MAPK10: variants seen among roughly 807,000 people sequenced by gnomAD.
MAPK10 encodes JNK3 alpha protein kinase.
A neutral mutation model predicts 59.3 loss-of-function variants in MAPK10; 25 were observed. The ratio of observed to expected loss-of-function variants is 0.42; its 90% CI spans 0.31 to 0.59. MAPK10 has a LOEUF of 0.59. MAPK10 is among the 20% of genes least tolerant of loss of function. The pLI is 0.15. For synonymous variants in MAPK10, 190 were observed against 200.5 expected (o/e 0.95, Z 0.44); for missense variants, 351 against 568.9 (o/e 0.62, Z 3.90).
At chr4:86,108,597 T>C (rs144240647) in intron 4 of MAPK10, among the ~76,000 whole-genome samples, 138 of 152,292 alleles carry the variant, frequency 9.1e-4, no homozygotes, top group African/African-American at 2.8e-3. Context: ...CTCTAAAATA[T>C]GTCCATGAAA....
chr4:86,431,082 G>C (rs1747981786), intron 1 of MAPK10, among the ~76,000 whole-genome samples: 1 of 150,832 alleles, frequency 6.6e-6, no homozygotes, highest in African/African-American at 2.4e-5. Context: ...AGGAGAGAGA[G>C]AGGAAGAGAG....
intron 1 of MAPK10, among the ~76,000 whole-genome samples, chr4:86,556,083 C>G (rs75150219): frequency 0.01 from 1,577 of 152,268 alleles, 21 homozygotes; most frequent in African/African-American, 0.036. Flanking sequence ...ATCAAACTGA[C>G]CAAACACCTC....
At chr4:86,139,987 C>T (rs1268030341) in intron 4 of MAPK10, among the ~76,000 whole-genome samples, 8 of 140,718 alleles carry the variant, frequency 5.7e-5, no homozygotes, top group African/African-American at 2.2e-4. Context: ...AATGAGATAC[C>T]ATCTCACACC....
intron 4 of MAPK10, among the ~76,000 whole-genome samples, chr4:86,136,588 A>G (rs1936367023): frequency 6.8e-6 from 1 of 147,726 alleles, no homozygotes; most frequent in Non-Finnish European, 1.5e-5. Context: ...TCATGCCAAA[A>G]TGTAAAGACC....
chr4:86,567,829 A>C lies in MAPK10; in HGVS notation c.-263+26081T>G, dbSNP rs199794041. Among the ~76,000 whole-genome samples, 5 of 152,328 alleles carry C rather than the reference A, an allele frequency of 3.3e-5. No individual in the cohort carries two copies. In the East Asian group the frequency reaches 9.6e-4, roughly 29 times the overall value. ...TTTCTTAGGGAAGGTTAGATGCTCA[A>C]GAAGATAGCATAAAGGAAAAAATAG... On this transcript the variant is annotated intron_variant, in intron 1 of 4. Transcript: ENST00000502302.
At chr4:86,492,986 T>C (rs1054699074) in intron 1 of MAPK10, among the ~76,000 whole-genome samples, 1 of 152,152 alleles carries the variant, frequency 6.6e-6, no homozygotes, top group African/African-American at 2.4e-5. Context: ...TCAGACAAAA[T>C]TGAAAACCTA....
At chr4:86,249,732 T>C (rs2093320271) in intron 2 of MAPK10, among the ~76,000 whole-genome samples, 1 of 152,212 alleles carries the variant, frequency 6.6e-6, no homozygotes, top group African/African-American at 2.4e-5. Context: ...TACATTTTTA[T>C]TGTATCAAAT....
chr4:86,046,108 CTGTT>C (rs2042442933), intron 11 of MAPK10, among the ~76,000 whole-genome samples: 1 of 150,734 alleles, frequency 6.6e-6, no homozygotes, highest in African/African-American at 2.4e-5. Flanking sequence ...CTCTATTTGT[CTGTT>C]ATTCGTGTAT....
At chr4:86,106,304 G>A (rs544349168) in intron 5 of MAPK10, among the ~76,000 whole-genome samples, 1 of 152,034 alleles carries the variant, frequency 6.6e-6, no homozygotes, top group East Asian at 1.9e-4. Flanking sequence ...AATGTGTTCT[G>A]TGTAATTTTC....
intron 1 of MAPK10, among the ~76,000 whole-genome samples, chr4:86,452,601 T>C (rs1387791302): frequency 2.6e-5 from 4 of 152,062 alleles, no homozygotes; most frequent in African/African-American, 9.7e-5. Context: ...ATTAGGAAAA[T>C]TGGCAGAGAC....
chr4:86,036,632 T>C (rs888336930), intron 11 of MAPK10, among the ~76,000 whole-genome samples: 9 of 152,040 alleles, frequency 5.9e-5, no homozygotes, highest in Admixed American at 5.9e-4. Context: ...ATTTAAAGAG[T>C]AATCCAGAGC....
chr4:86,255,287 G>A (rs991164731), intron 2 of MAPK10, among the ~76,000 whole-genome samples: 2 of 152,108 alleles, frequency 1.3e-5, no homozygotes, highest in East Asian at 3.9e-4. Context: ...GCTCTATAGA[G>A]TTTTCAGAAA....
chr4:86,586,493 T>C (rs1375029581), intron 1 of MAPK10, among the ~76,000 whole-genome samples: 1 of 152,208 alleles, frequency 6.6e-6, no homozygotes, highest in African/African-American at 2.4e-5. Context: ...ATCTCTCTCC[T>C]TTAGGGTTTA....
intron 2 of MAPK10, among the ~76,000 whole-genome samples, chr4:86,246,748 A>G (rs1283217983): frequency 3.9e-5 from 6 of 152,218 alleles, no homozygotes; most frequent in African/African-American, 1.4e-4. Context: ...GGTGAACAGA[A>G]GAGGTGGGAC....
At chr4:86,180,422 T>C (rs1002989751) in intron 3 of MAPK10, among the ~76,000 whole-genome samples, 1 of 149,884 alleles carries the variant, frequency 6.7e-6, no homozygotes, top group Non-Finnish European at 1.5e-5. Flanking sequence ...GAACAGTATA[T>C]AGCTTCTTCA....
intron 1 of MAPK10, among the ~76,000 whole-genome samples, chr4:86,422,055 G>C (rs1037091682): frequency 1.3e-5 from 2 of 152,098 alleles, no homozygotes; most frequent in Non-Finnish European, 2.9e-5. Flanking sequence ...CTTCTCACTA[G>C]TTAGCCCCAC....
chr4:86,181,341 G>A (rs932537452), intron 3 of MAPK10, among the ~76,000 whole-genome samples: 1 of 151,990 alleles, frequency 6.6e-6, no homozygotes, highest in African/African-American at 2.4e-5. Flanking sequence ...TTCTAGTGCT[G>A]CTTAAATTTA....
chr4:86,166,455 C>T (rs1033850418), intron 3 of MAPK10, among the ~76,000 whole-genome samples: 1 of 139,116 alleles, frequency 7.2e-6, no homozygotes, highest in African/African-American at 3.2e-5. Context: ...ATAATTATTA[C>T]CATTATTATA....
intron 2 of MAPK10, among the ~76,000 whole-genome samples, chr4:86,353,998 T>C (rs1047530049): frequency 1.3e-5 from 2 of 152,172 alleles, no homozygotes; most frequent in African/African-American, 4.8e-5. Flanking sequence ...CTGTATCTAT[T>C]TTTAACATTG....
Sources: allele counts gnomAD v4.1 joint callset (sites outside exome capture counted in the v4.1 genomes callset), GRCh38; gene constraint gnomAD v4.1.1; transcripts MANE v1.5; gene names NCBI Gene and HGNC (gene_info 2026-07-23, HGNC 2026-07-21).